The following CCDC149 variants were observed in gnomAD, a reference collection of about 807,000 sequenced individuals.
CCDC149 encodes the protein coiled-coil domain-containing protein 149.
In CCDC149, 45 loss-of-function variants were observed where a neutral mutation model predicts 59.9. The observed-to-expected ratio is 0.75, with a 90% confidence interval of 0.59 to 0.96. The LOEUF is 0.96. Ranked by LOEUF, CCDC149 falls within the 40% of genes least tolerant of loss-of-function variation. The pLI, the probability that CCDC149 is intolerant of heterozygous loss-of-function variation, is 0.00. For missense variants in CCDC149, 584 were observed against 664.7 expected, an observed-to-expected ratio of 0.88 and a Z score of 1.33; for synonymous variants, 245 against 260.6, an observed-to-expected ratio of 0.94 and a Z score of 0.58.
intron 1 of CCDC149, among the ~76,000 whole-genome samples, chr4:24,885,967 C>T (rs986985257): frequency 2.0e-5 from 3 of 152,156 alleles, no homozygotes; most frequent in East Asian, 1.9e-4. Context: ...TTCCAAACTG[C>T]TAAATGTTCT....
intron 3 of CCDC149, among the ~76,000 whole-genome samples, chr4:24,869,241 G>A (rs554316535): frequency 6.6e-6 from 1 of 152,326 alleles, no homozygotes; most frequent in East Asian, 1.9e-4. Context: ...CCTGGAACTT[G>A]GGAGCAGCCT....
At chr4:24,867,764 A>G (rs1159406703) in intron 3 of CCDC149, among the ~76,000 whole-genome samples, 1 of 152,246 alleles carries the variant, frequency 6.6e-6, no homozygotes, top group East Asian at 1.9e-4. Flanking sequence ...AACGGAACTG[A>G]ATCAAGGAGA....
chr4:24,918,924 T>C (rs946890839), intron 1 of CCDC149, among the ~76,000 whole-genome samples: 1 of 152,200 alleles, frequency 6.6e-6, no homozygotes, highest in Non-Finnish European at 1.5e-5. Context: ...CAGTCAAATT[T>C]CTCTTTGTTC....
intron 2 of CCDC149, among the ~76,000 whole-genome samples, chr4:24,874,244 G>GTTGTTTTTTTTTTTTTTT (rs1719241446): frequency 4.6e-5 from 4 of 87,488 alleles, no homozygotes; most frequent in African/African-American, 2.3e-4. Flanking sequence ...TATTAGATTT[G>GTTGTTTTTTTTTTTTTTT]TTTTTTTTTT....
intron 3 of CCDC149, 89 bp from the exon 4 acceptor site, chr4:24,853,268 TA>T: frequency 1.1e-6 from 1 of 950,826 alleles, no homozygotes; most frequent in East Asian, 2.4e-5. Context: ...TGCTGGTGTC[TA>T]ACCCCAGTTG....
chr4:24,869,170 C>G (rs1463348372), intron 3 of CCDC149, among the ~76,000 whole-genome samples: 1 of 152,230 alleles, frequency 6.6e-6, no homozygotes, highest in African/African-American at 2.4e-5. Context: ...GAGGAGCTGC[C>G]TTTCATCAGT....
At position 24,808,255 on chromosome 4, in the gene CCDC149, G is replaced by T. The variant is rs370249514; in HGVS notation, c.*134C>A. ...ATCAGAATATTCACAGTTTGCAACA[G>T]GATCAGTGCGTTTTCTCACTTGCAG... On this transcript the variant is annotated 3_prime_UTR_variant, in exon 13 of 13. Coordinates refer to ENST00000635206, the MANE Select transcript of CCDC149 (RefSeq NM_001330643.2). The T allele has an allele frequency of 1.1e-4, 74 of 702,844 alleles. No individual in the cohort carries two copies. The highest frequency in any genetic ancestry group is 1.0e-3 in the African/African-American group (56 of 56,148). 43.5% of individuals were successfully genotyped at this position (702,844 alleles called of 1,614,324 possible).
chr4:24,835,048 G>A lies in CCDC149; in HGVS notation c.736-16C>T, dbSNP rs202099718. 87 of 1,600,262 alleles carry A rather than the reference G, an allele frequency of 5.4e-5. No homozygotes were observed. In the Middle Eastern group the frequency reaches 1.3e-3, roughly 24 times the overall value. ...CCAGAGCATTCTAAAACAGGATTGG[G>A]AGAGAATAAAAACCCGTCAGAAAAG... On this transcript the variant is annotated splice_polypyrimidine_tract_variant and intron_variant, in intron 7 of 12. Coordinates refer to ENST00000635206, the MANE Select transcript of CCDC149 (RefSeq NM_001330643.2).
intron 2 of CCDC149, among the ~76,000 whole-genome samples, chr4:24,875,072 G>A (rs1030544221): frequency 7.2e-5 from 11 of 152,188 alleles, no homozygotes; most frequent in African/African-American, 2.7e-4. Context: ...ACCTTGGGAG[G>A]GCGAGGCGGG....
intron 1 of CCDC149, among the ~76,000 whole-genome samples, chr4:24,978,007 C>A (rs1376435137): frequency 2.0e-5 from 3 of 152,164 alleles, no homozygotes; most frequent in East Asian, 3.9e-4. Context: ...TGGTGCACAC[C>A]TTTAGTCCCA....
intron 1 of CCDC149, among the ~76,000 whole-genome samples, chr4:24,891,769 C>A (rs1273572295): frequency 6.6e-6 from 1 of 152,136 alleles, no homozygotes; most frequent in African/African-American, 2.4e-5. Context: ...GAGGCCAAGG[C>A]AGGAGGATTG....
intron 1 of CCDC149, among the ~76,000 whole-genome samples, chr4:24,920,156 T>A (rs926492892): frequency 1.3e-5 from 2 of 152,236 alleles, no homozygotes; most frequent in Non-Finnish European, 2.9e-5. Flanking sequence ...AACCTGTGGC[T>A]TAAACATTGG....
intron 1 of CCDC149, among the ~76,000 whole-genome samples, chr4:24,941,586 CA>C (rs1239574624): frequency 3.3e-5 from 5 of 151,962 alleles, no homozygotes; most frequent in South Asian, 2.1e-4. Context: ...AAAAACCCTT[CA>C]AAAAATCAAT....
rs143807794 is a variant in CCDC149, at chr4:24,813,870, G to C, written c.1193-5051C>G. Among the ~76,000 whole-genome samples, 560 of 152,234 alleles carry C rather than the reference G, an allele frequency of 3.7e-3. 7 individuals carry two copies. The highest frequency in any genetic ancestry group is 0.012 in the African/African-American group (517 of 41,528). On this transcript the variant is annotated intron_variant, in intron 12 of 12. Coordinates refer to ENST00000635206, the MANE Select transcript of CCDC149 (RefSeq NM_001330643.2). ...CTAAAATGAAACTACCAAGACGAAGGGTGGAGCACAAGGAAGAGAAAATGA... is the reference window on the plus strand; with the variant it reads ...CTAAAATGAAACTACCAAGACGAAGCGTGGAGCACAAGGAAGAGAAAATGA...
chr4:24,858,158 C>T (rs1053976434), intron 3 of CCDC149, among the ~76,000 whole-genome samples: 3 of 152,182 alleles, frequency 2.0e-5, no homozygotes, highest in African/African-American at 4.8e-5. Context: ...AGCTAACACA[C>T]GGTGCCTGCT....
chr4:24,973,011 G>T (rs185393419), intron 1 of CCDC149, among the ~76,000 whole-genome samples: 2 of 152,212 alleles, frequency 1.3e-5, no homozygotes, highest in African/African-American at 4.8e-5. Flanking sequence ...CAAGAACCTT[G>T]GTTTCCACAA....
intron 1 of CCDC149, among the ~76,000 whole-genome samples, chr4:24,919,937 C>G (rs1722237011): frequency 6.6e-6 from 1 of 152,144 alleles, no homozygotes; most frequent in African/African-American, 2.4e-5. Context: ...ATCTGGACCC[C>G]TTGCTATACA....
intron 4 of CCDC149, among the ~76,000 whole-genome samples, chr4:24,843,415 C>T (rs144878822): frequency 6.6e-6 from 1 of 152,242 alleles, no homozygotes; most frequent in Admixed American, 6.5e-5. Context: ...CAAGACCCTG[C>T]CTATTATTTC....
intron 1 of CCDC149, among the ~76,000 whole-genome samples, chr4:24,941,671 G>C (rs1167036085): frequency 2.0e-5 from 3 of 152,124 alleles, no homozygotes; most frequent in Non-Finnish European, 4.4e-5. Context: ...AAGAAGAAAA[G>C]AGAGAAGAAT....
Sources: allele counts gnomAD v4.1 joint callset (sites outside exome capture counted in the v4.1 genomes callset), GRCh38; gene constraint gnomAD v4.1.1; transcripts MANE v1.5; gene names NCBI Gene and HGNC (gene_info 2026-07-23, HGNC 2026-07-21).